The following SAMD4A variants were observed in gnomAD, a reference collection of about 807,000 sequenced individuals.
SAMD4A encodes protein Smaug homolog 1.
Under a neutral mutation model 81.3 loss-of-function variants are expected in SAMD4A, and 33 were observed. That is an observed-to-expected ratio of 0.41 (90% CI 0.31 to 0.54). The LOEUF is 0.54. Among genes scored for constraint, SAMD4A ranks in the 20% least tolerant of loss-of-function variants. The probability of loss-of-function intolerance (pLI) is 0.37; values close to 1 mark genes in which losing one functional copy is unlikely to be tolerated. For synonymous variants in SAMD4A, 389 were observed against 382.1 expected (o/e 1.02, Z -0.21); for missense variants, 854 against 951.1 (o/e 0.90, Z 1.34).
At chr14:54,739,395 C>G (rs1213999362) in intron 4 of SAMD4A, among the ~76,000 whole-genome samples, 1 of 151,928 alleles carries the variant, frequency 6.6e-6, no homozygotes, top group Admixed American at 6.6e-5. Flanking sequence ...GGGGTGCAGC[C>G]AGAAAACAGG....
chr14:54,754,157 A>C lies in SAMD4A; in HGVS notation c.1176+2620A>C, dbSNP rs149697626. On this transcript the variant is annotated intron_variant, in intron 6 of 12. Transcript: ENST00000554335. ...CCTGGCAGAAGTCAGCATGGGGAAC[A>C]CTCTGGCAACCAGGTAGCAAGGGTG... Among the ~76,000 whole-genome samples the C allele has an allele frequency of 2.6e-3, 391 of 152,224 alleles. 1 individual carries two copies. The highest frequency in any genetic ancestry group is 0.016 in the South Asian group (76 of 4,818).
At chr14:54,678,075 A>G (rs1213512841) in intron 2 of SAMD4A, among the ~76,000 whole-genome samples, 1 of 152,252 alleles carries the variant, frequency 6.6e-6, no homozygotes, top group Non-Finnish European at 1.5e-5. Context: ...TAAGTTTTGC[A>G]TGACATGGGA....
chr14:54,630,114 T>G (rs1447669848), intron 2 of SAMD4A, among the ~76,000 whole-genome samples: 1 of 152,264 alleles, frequency 6.6e-6, no homozygotes, highest in Non-Finnish European at 1.5e-5. Flanking sequence ...CCTTTGGCTA[T>G]TGTGAATAAT....
chr14:54,777,253 T>G (rs992063231), intron 11 of SAMD4A, among the ~76,000 whole-genome samples: 3 of 148,870 alleles, frequency 2.0e-5, no homozygotes, highest in African/African-American at 7.4e-5. Context: ...GTTGTACCTG[T>G]AGGAAAATGC....
chr14:54,770,661 G>T (rs114184448), intron 9 of SAMD4A, among the ~76,000 whole-genome samples: 1 of 152,212 alleles, frequency 6.6e-6, no homozygotes, highest in African/African-American at 2.4e-5. Flanking sequence ...TGGTGGCAGG[G>T]TGAAGAGCCC....
At chr14:54,677,204 C>G (rs2036011553) in intron 2 of SAMD4A, among the ~76,000 whole-genome samples, 1 of 152,160 alleles carries the variant, frequency 6.6e-6, no homozygotes, top group Non-Finnish European at 1.5e-5. Context: ...CCTTGAAAAG[C>G]TATTTTTGAT....
In SAMD4A at chr14:54,737,138, G is replaced by A. The variant is rs770335938; in HGVS notation, c.830G>A (p.Arg277Gln). 3.2e-5 allele frequency: 51 copies of A among 1,613,930 alleles called. No homozygotes were observed. The highest frequency in any genetic ancestry group is 4.0e-5 in the Non-Finnish European group (47 of 1,180,026). ...GGATGGATGTCTCATGAGGACTTAC[G>A]AGCTAGAGGACCCCAGTGCCTCCCA... The part of the protein sequence containing the change: ...GHGWMSHEDL[R>Q]ARGPQCLPSD... Residue 277 changes from arginine to glutamine, a missense_variant, in exon 4 of 13, where the codon CGA (arginine) becomes CAA (glutamine). This residue lies in a region of SAMD4A where 387 missense variants were observed against 405.8 expected (regional missense o/e 0.95). Coordinates refer to ENST00000554335, the MANE Select transcript of SAMD4A (RefSeq NM_015589.6).
At chr14:54,745,971 A>G (rs1195314847) in intron 4 of SAMD4A, among the ~76,000 whole-genome samples, 1 of 152,242 alleles carries the variant, frequency 6.6e-6, no homozygotes, top group Non-Finnish European at 1.5e-5. Context: ...CATTGCATCC[A>G]ACAATGTGGC....
chr14:54,602,323 TACACACACACACACACACACAC>T lies in SAMD4A; in HGVS notation c.196+34242_196+34263del, dbSNP rs3049830. 5.6e-3 allele frequency among the ~76,000 whole-genome samples: 759 copies of T among 136,636 alleles called. 9 individuals are homozygous for T. Among genetic ancestry groups the T allele is most frequent in the African/African-American group, 0.015 (540 of 37,064 alleles). 89.6% of individuals were successfully genotyped at this position (136,636 alleles called of 152,430 possible). A position where few individuals can be genotyped will look rare whatever the true frequency, so the allele number is the denominator to read the frequency against. On this transcript the variant is annotated intron_variant, in intron 2 of 12. Coordinates refer to ENST00000554335, the MANE Select transcript of SAMD4A (RefSeq NM_015589.6). ...CCATTGCTAGAGGACTGCTTTAAAA[TACACACACACACACACACACAC>T]ACACACACACACACACACACACACA...
chr14:54,601,268 TG>T (rs1175679939), intron 2 of SAMD4A, among the ~76,000 whole-genome samples: 7 of 152,228 alleles, frequency 4.6e-5, no homozygotes, highest in Admixed American at 3.3e-4. Flanking sequence ...TCCTGGTAGT[TG>T]CCTCCCCTTT....
At chr14:54,788,647 T>C (rs1257865434) in intron 12 of SAMD4A, among the ~76,000 whole-genome samples, 2 of 152,218 alleles carry the variant, frequency 1.3e-5, no homozygotes, top group Non-Finnish European at 2.9e-5. Flanking sequence ...TCTGTCTACA[T>C]GTCTGTGTCT....
intron 2 of SAMD4A, 62 bp from the exon 3 acceptor site, chr14:54,702,000 G>A: frequency 4.6e-6 from 7 of 1,531,084 alleles, no homozygotes; most frequent in Non-Finnish European, 6.2e-6. Flanking sequence ...TCTCTTTAGA[G>A]TATCTGTTTA....
chr14:54,766,255 G>A (rs1036865240), intron 8 of SAMD4A, among the ~76,000 whole-genome samples: 15 of 152,192 alleles, frequency 9.9e-5, no homozygotes, highest in African/African-American at 2.6e-4. Flanking sequence ...AGGAAAAAGC[G>A]ACAAAGGAAG....
In SAMD4A at chr14:54,644,349, T is replaced by G. The variant is rs183865221; in HGVS notation, c.197-57713T>G. Among the ~76,000 whole-genome samples the G allele has an allele frequency of 2.6e-5, 4 of 152,302 alleles. No homozygotes were observed. In the East Asian group the frequency reaches 7.7e-4, roughly 29 times the overall value. On this transcript the variant is annotated intron_variant, in intron 2 of 12. Transcript: ENST00000554335. The stretch of plus-strand genomic sequence containing the variant: ...TTTAAAATAGAAATTAGGTTCTAAA[T>G]TGCACCTAGTTTATTAATTTAAATG...
Position 54,737,542 on chromosome 14 carries a change from CT to C in SAMD4A, c.979+274del, listed in dbSNP as rs758410575. On this transcript the variant is annotated intron_variant, in intron 4 of 12. Transcript: ENST00000554335. ...AGGTCAACCCACTCTCTCTCTCTCT[CT>C]TTTTTTTTTTTTTTTTTTGCATTGC... Among the ~76,000 whole-genome samples the C allele has an allele frequency of 3.0e-3, 259 of 85,424 alleles. 1 individual carries two copies. The highest frequency in any genetic ancestry group is 0.011 in the African/African-American group (229 of 21,148). 56.0% of individuals were successfully genotyped at this position (85,424 alleles called of 152,430 possible).
chr14:54,749,051 T>G (rs2038034158), intron 5 of SAMD4A, 127 bp downstream of exon 5: 4 of 644,606 alleles, frequency 6.2e-6, no homozygotes, highest in Non-Finnish European at 1.1e-5. Context: ...CTGGAAACTG[T>G]GGGGTGCTGG....
At chr14:54,604,323 C>G (rs980012305) in intron 2 of SAMD4A, among the ~76,000 whole-genome samples, 2 of 152,144 alleles carry the variant, frequency 1.3e-5, no homozygotes. Context: ...GTAACTTTCT[C>G]TTTGAATTTA....
intron 2 of SAMD4A, among the ~76,000 whole-genome samples, chr14:54,682,933 C>T (rs560225256): frequency 6.6e-6 from 1 of 152,264 alleles, no homozygotes; most frequent in Admixed American, 6.5e-5. Flanking sequence ...CCCTGTGTTC[C>T]CTGCAGCCAG....
chr14:54,596,265 G>A (rs1270917534), intron 2 of SAMD4A, among the ~76,000 whole-genome samples: 8 of 152,072 alleles, frequency 5.3e-5, no homozygotes, highest in Admixed American at 2.0e-4. Context: ...ACAGAAGAAC[G>A]CCATCACCAC....
Sources: allele counts gnomAD v4.1 joint callset (sites outside exome capture counted in the v4.1 genomes callset), GRCh38; gene constraint gnomAD v4.1.1; regional missense constraint gnomAD v4.1.1; transcripts MANE v1.5; gene names NCBI Gene and HGNC (gene_info 2026-07-23, HGNC 2026-07-21).